Variants in SLC39A8 observed in about 807,000 individuals in gnomAD.
SLC39A8 encodes solute carrier family 39 member 8.
In SLC39A8, 15 loss-of-function variants were observed where a neutral mutation model predicts 40.4. The ratio of observed to expected loss-of-function variants is 0.37; its 90% confidence interval spans 0.25 to 0.57. The LOEUF (loss-of-function observed/expected upper bound fraction) is 0.57, where lower values mean the gene tolerates loss of function less well. Ranked by LOEUF, SLC39A8 falls within the 20% of genes least tolerant of loss-of-function variation. SLC39A8 has a pLI of 0.75. For missense variants in SLC39A8, 472 were observed against 558.8 expected (o/e 0.84, Z 1.57); for synonymous variants, 223 against 221.6 (o/e 1.01, Z -0.06).
At chr4:102,314,659 G>A (rs753136363) in intron 3 of SLC39A8, among the ~76,000 whole-genome samples, 4 of 152,046 alleles carry the variant, frequency 2.6e-5, no homozygotes, top group East Asian at 1.9e-4. Context: ...CACTAGAGAC[G>A]ACCTTGCTGT....
At chr4:102,322,007 G>A (rs541418518) in intron 2 of SLC39A8, among the ~76,000 whole-genome samples, 16 of 152,310 alleles carry the variant, frequency 1.1e-4, no homozygotes, top group Admixed American at 3.3e-4. Flanking sequence ...GTAGATGTCT[G>A]TGGTTTTTGC....
chr4:102,343,126 C>G (rs189442578), intron 2 of SLC39A8, among the ~76,000 whole-genome samples: 5 of 152,262 alleles, frequency 3.3e-5, no homozygotes, highest in African/African-American at 9.6e-5. Context: ...ATGCCCAGAA[C>G]TGGAATTATA....
chr4:102,267,471 C>A lies in SLC39A8; in HGVS notation c.1233+19G>T, dbSNP rs753892945. The A allele has an allele frequency of 1.3e-5, 21 of 1,560,990 alleles. No homozygotes were observed. Among genetic ancestry groups the A allele is most frequent in the Non-Finnish European group, 1.7e-5 (20 of 1,158,110 alleles). On this transcript the variant is annotated intron_variant, in intron 8 of 8. Transcript: ENST00000356736. ...CCAAATTTTAAATTAAAAGAAAATACAAATTTTAAGCTTCTTACCATATCT... is the reference window on the plus strand; with the variant it reads ...CCAAATTTTAAATTAAAAGAAAATAAAAATTTTAAGCTTCTTACCATATCT...
intron 6 of SLC39A8, among the ~76,000 whole-genome samples, chr4:102,281,462 T>C (rs532230165): frequency 3.2e-4 from 48 of 152,224 alleles, no homozygotes; most frequent in Admixed American, 1.6e-3. Flanking sequence ...ATATACTCCA[T>C]GTGACTCACC....
chr4:102,293,014 T>C (rs1281009320), intron 6 of SLC39A8, among the ~76,000 whole-genome samples: 3 of 151,992 alleles, frequency 2.0e-5, no homozygotes, highest in Admixed American at 6.6e-5. Flanking sequence ...CAAAGATAAG[T>C]TGCACTAATG....
At chr4:102,259,699 TTAG>T (rs1731794370), downstream of SLC39A8, among the ~76,000 whole-genome samples, 1 of 152,252 alleles carries the variant, frequency 6.6e-6, no homozygotes, top group South Asian at 2.1e-4. Flanking sequence ...CTCTGGTTAC[TTAG>T]TAGGGCCCTA....
At chr4:102,331,682 A>T (rs1259166827) in intron 2 of SLC39A8, among the ~76,000 whole-genome samples, 1 of 152,218 alleles carries the variant, frequency 6.6e-6, no homozygotes, top group Non-Finnish European at 1.5e-5. Flanking sequence ...TTTCATATGG[A>T]ACCAAACAAG....
intron 2 of SLC39A8, among the ~76,000 whole-genome samples, chr4:102,330,537 A>G (rs1338056136): frequency 6.6e-6 from 1 of 152,206 alleles, no homozygotes; most frequent in Admixed American, 6.5e-5. Flanking sequence ...TTAATAGCCT[A>G]CCAATCAAAA....
At chr4:102,284,796 G>A (rs979809497) in intron 6 of SLC39A8, among the ~76,000 whole-genome samples, 1 of 151,708 alleles carries the variant, frequency 6.6e-6, no homozygotes, top group Non-Finnish European at 1.5e-5. Flanking sequence ...CTTTCTAAAT[G>A]GAAATAATCT....
At chr4:102,316,092 G>A (rs1434282993) in intron 2 of SLC39A8, among the ~76,000 whole-genome samples, 1 of 151,958 alleles carries the variant, frequency 6.6e-6, no homozygotes, top group Non-Finnish European at 1.5e-5. Context: ...ATTGGTTTGG[G>A]CATATCTAAG....
intron 2 of SLC39A8, among the ~76,000 whole-genome samples, chr4:102,320,273 AT>A (rs1227109232): frequency 7.1e-4 from 91 of 128,206 alleles, no homozygotes; most frequent in African/African-American, 2.7e-3. Flanking sequence ...ATATGAGAAT[AT>A]TATATATGAG....
At chr4:102,260,291 G>A (rs151052802), downstream of SLC39A8, among the ~76,000 whole-genome samples, 2 of 152,292 alleles carry the variant, frequency 1.3e-5, no homozygotes, top group East Asian at 3.9e-4. Context: ...TTCAGTAAGA[G>A]AATTCTGATT....
chr4:102,266,430 T>G (rs889414632), intron 8 of SLC39A8, among the ~76,000 whole-genome samples: 9 of 152,174 alleles, frequency 5.9e-5, no homozygotes, highest in African/African-American at 9.7e-5. Flanking sequence ...AAATATAATT[T>G]GGAGGTAAGA....
intron 6 of SLC39A8, among the ~76,000 whole-genome samples, chr4:102,277,969 T>G (rs1297944597): frequency 6.6e-6 from 1 of 152,202 alleles, no homozygotes; most frequent in African/African-American, 2.4e-5. Context: ...TCCTTACACT[T>G]TATACAAAAA....
chr4:102,334,166 T>C (rs1400535169), intron 2 of SLC39A8, among the ~76,000 whole-genome samples: 1 of 152,142 alleles, frequency 6.6e-6, no homozygotes, highest in Non-Finnish European at 1.5e-5. Context: ...ATGGTCCAGT[T>C]ATACACAGTA....
In SLC39A8 at chr4:102,336,047, C is replaced by T. The variant is rs553141323; in HGVS notation, c.219+8397G>A. On this transcript the variant is annotated intron_variant, in intron 2 of 8. Transcript: ENST00000356736. ...ATTGAGCACATAATTTGAGCCAGGC[C>T]CAATGCTAAGTATTTTACATACATT... is the stretch of plus-strand genomic sequence containing the variant. 1.1e-4 allele frequency among the ~76,000 whole-genome samples: 16 copies of T among 151,972 alleles called. No homozygotes were observed. In the Middle Eastern group the frequency reaches 0.01, roughly 97 times the overall value.
At chr4:102,290,353 T>C (rs550758579) in intron 6 of SLC39A8, among the ~76,000 whole-genome samples, 2 of 152,254 alleles carry the variant, frequency 1.3e-5, no homozygotes, top group Admixed American at 1.3e-4. Flanking sequence ...TATTGTGATA[T>C]TTACTTTATT....
intron 3 of SLC39A8, among the ~76,000 whole-genome samples, chr4:102,313,343 T>C (rs1220540379): frequency 6.6e-6 from 1 of 152,154 alleles, no homozygotes. Context: ...TATGAATATG[T>C]AAAGTACTTC....
intron 2 of SLC39A8, among the ~76,000 whole-genome samples, chr4:102,318,105 C>T (rs1425520812): frequency 6.6e-6 from 1 of 152,102 alleles, no homozygotes; most frequent in Non-Finnish European, 1.5e-5. Context: ...TGAATGCCAC[C>T]ACCCTTAAGG....
Sources: gnomAD v4.1 joint callset for allele counts (sites outside exome capture counted in the v4.1 genomes callset) on GRCh38, gnomAD v4.1.1 for gene constraint, MANE v1.5 for transcripts, NCBI Gene and HGNC (gene_info 2026-07-23, HGNC 2026-07-21) for gene names.